Variants in MOB1A observed in about 807,000 individuals in gnomAD.
The protein encoded by MOB1A is MOB1 Mps One Binder homolog A.
A neutral mutation model predicts 25.1 loss-of-function variants in MOB1A; 10 were observed. The ratio of observed to expected loss-of-function variants is 0.40; its 90% CI spans 0.25 to 0.68. MOB1A has a LOEUF of 0.68. Ranked by LOEUF, MOB1A falls within the 30% of genes least tolerant of loss-of-function variation. The pLI is 0.40. For synonymous variants in MOB1A, 81 were observed against 79.5 expected (o/e 1.02, Z -0.10); for missense variants, 177 against 256.3 (o/e 0.69, Z 2.11).
intron 1 of MOB1A, 135 bp downstream of exon 1, chr2:74,178,526 G>C (rs1199095451): frequency 7.2e-6 from 4 of 553,424 alleles, no homozygotes; most frequent in Non-Finnish European, 1.1e-5. Context: ...CCGCGGACCC[G>C]AACAGAGGCA....
intron 4 of MOB1A, among the ~76,000 whole-genome samples, chr2:74,163,607 C>T (rs559379103): frequency 6.6e-6 from 1 of 152,174 alleles, no homozygotes; most frequent in Admixed American, 6.5e-5. Context: ...CCCTGCACTC[C>T]AGGCTGGGGA....
chr2:74,163,921 G>C (rs1384418559), intron 4 of MOB1A: 2 of 151,380 alleles, frequency 1.3e-5, no homozygotes, highest in African/African-American at 4.8e-5. Context: ...TTTTCACCTT[G>C]ACAAAATGTT....
At chr2:74,165,147 C>A in intron 4 of MOB1A, 71 bp downstream of exon 4, 1 of 1,238,094 alleles carries the variant, frequency 8.1e-7, no homozygotes. Flanking sequence ...CAGCAAACCC[C>A]CCCAACTCTA....
At position 74,159,302 on chromosome 2, in the gene MOB1A, A is replaced by G. The variant is rs921893657; in HGVS notation, c.410-48T>C. On this transcript the variant is annotated intron_variant, in intron 4 of 5. Transcript: ENST00000396049. The stretch of plus-strand genomic sequence containing the variant: ...AACAATTATTTGGTTATCTAACAGT[A>G]GAAAGTTGTTTATTTGTGACAGGGT... 4 of 1,552,924 alleles carry G rather than the reference A, an allele frequency of 2.6e-6. No homozygotes were observed. The East Asian group carries it at 6.7e-5, about 26-fold the overall frequency.
intron 1 of MOB1A, chr2:74,173,234 G>A (rs1467545092): frequency 1.9e-6 from 1 of 517,170 alleles, no homozygotes; most frequent in South Asian, 1.4e-5. Context: ...AGCAAGATTA[G>A]CAGCACAATT....
chr2:74,165,508 A>G (rs1428730804), intron 3 of MOB1A, among the ~76,000 whole-genome samples, 157 bp from the exon 4 acceptor site: 1 of 152,230 alleles, frequency 6.6e-6, no homozygotes, highest in East Asian at 1.9e-4. Context: ...TGAGTTCCCT[A>G]TGTAATTATC....
In MOB1A at chr2:74,159,828, CA is replaced by C. The variant is rs67068280; in HGVS notation, c.410-575del. Reference sequence around the variant, plus strand: ...GTTTTTTGTTTTTTGTCCCCCCCCCCACCCCGGAGACTGAGCCTCACTCTGT... The same window carrying C: ...GTTTTTTGTTTTTTGTCCCCCCCCCCCCCCGGAGACTGAGCCTCACTCTGT... On this transcript the variant is annotated intron_variant, in intron 4 of 5. Coordinates refer to ENST00000396049, the MANE Select transcript of MOB1A (RefSeq NM_018221.5). Among the ~76,000 whole-genome samples, 905 of 112,706 alleles carry C rather than the reference CA, an allele frequency of 8.0e-3. 10 individuals carry two copies. The highest frequency in any genetic ancestry group is 0.029 in the African/African-American group (836 of 28,862). The allele number at this position is 112,706 out of a possible 152,430, so 73.9% of individuals were successfully genotyped here.
chr2:74,153,571 G>A lies in MOB1A; in HGVS notation c.*2997C>T, dbSNP rs1211299207. 1 of 152,180 alleles carries A rather than the reference G, an allele frequency of 6.6e-6. No homozygotes were observed. The highest frequency in any genetic ancestry group is 2.1e-4 in the South Asian group (1 of 4,832). The allele number at this position is 152,180 out of a possible 1,614,324, so 9.4% of individuals were successfully genotyped here. ...AAAATCACTTTATTCACAATCTGAA[G>A]AATGAAAGACAAATTTGGCTGTCAA... is the stretch of plus-strand genomic sequence containing the variant. On this transcript the variant is annotated 3_prime_UTR_variant, in exon 6 of 6. Coordinates refer to ENST00000396049, the MANE Select transcript of MOB1A (RefSeq NM_018221.5).
At chr2:74,158,569 C>G (rs762111857) in intron 5 of MOB1A, among the ~76,000 whole-genome samples, 3 of 152,098 alleles carry the variant, frequency 2.0e-5, no homozygotes, top group South Asian at 2.1e-4. Flanking sequence ...GTGGGTGGAT[C>G]AGGAGTTCGA....
intron 3 of MOB1A, among the ~76,000 whole-genome samples, chr2:74,166,210 T>C (rs1441254990): frequency 6.6e-6 from 1 of 150,656 alleles, no homozygotes; most frequent in Non-Finnish European, 1.5e-5. Context: ...TCAGTATTTC[T>C]TGAAATTTAT....
At chr2:74,174,681 C>G (rs193266181) in intron 1 of MOB1A, among the ~76,000 whole-genome samples, 60 of 152,224 alleles carry the variant, frequency 3.9e-4, no homozygotes, top group African/African-American at 1.4e-3. Context: ...AAAAAGTGGA[C>G]AGATTTCAAA....
chr2:74,172,583 T>TA lies in MOB1A; in HGVS notation c.181+2dup. 6.3e-7 allele frequency: 1 copy of TA among 1,599,348 alleles called. No homozygotes were observed. The highest frequency in any genetic ancestry group is 8.5e-7 in the Non-Finnish European group (1 of 1,175,888). ...AACAGCAAAGTTACATTTTAAAACT[T>TA]ACTGTTCACAGCAATCCATTCATTG... is the stretch of plus-strand genomic sequence containing the variant. On this transcript the variant is annotated splice_region_variant and intron_variant, in intron 2 of 5. Transcript: ENST00000396049.
intron 4 of MOB1A, among the ~76,000 whole-genome samples, chr2:74,162,675 GA>G (rs1693007027): frequency 6.6e-6 from 1 of 152,118 alleles, no homozygotes; most frequent in Non-Finnish European, 1.5e-5. Flanking sequence ...TTTAATAGCA[GA>G]ATGGAAAAAC....
chr2:74,155,705 GA>G lies in MOB1A; in HGVS notation c.*862del, dbSNP rs1299870916. On this transcript the variant is annotated 3_prime_UTR_variant, in exon 6 of 6. Coordinates refer to ENST00000396049, the MANE Select transcript of MOB1A (RefSeq NM_018221.5). The stretch of plus-strand genomic sequence containing the variant: ...AATTTTAAGGCCTCTGAAAAATAAT[GA>G]AATAATAAAAATAGTGGTTTTGAGA... 1 of 152,464 alleles carries G rather than the reference GA, an allele frequency of 6.6e-6. No individual in the cohort carries two copies. The highest frequency in any genetic ancestry group is 2.4e-5 in the African/African-American group (1 of 41,434). 9.4% of individuals were successfully genotyped at this position (152,464 alleles called of 1,614,324 possible). A position where few individuals can be genotyped will look rare whatever the true frequency, so the allele number is the denominator to read the frequency against.
chr2:74,160,927 C>G (rs1029350366), intron 4 of MOB1A, among the ~76,000 whole-genome samples: 1 of 151,808 alleles, frequency 6.6e-6, no homozygotes, highest in African/African-American at 2.4e-5. Flanking sequence ...GACGTGGTGA[C>G]TAAGGCCTGT....
At chr2:74,173,547 A>C (rs1325821751) in intron 1 of MOB1A, among the ~76,000 whole-genome samples, 1 of 141,968 alleles carries the variant, frequency 7.0e-6, no homozygotes, top group African/African-American at 2.6e-5. Flanking sequence ...CACCCAGCTA[A>C]TTTTTTTTTT....
chr2:74,166,219 A>AT (rs35833687), intron 3 of MOB1A, among the ~76,000 whole-genome samples: 7,123 of 152,216 alleles, frequency 0.047, 553 homozygotes, highest in African/African-American at 0.16. Flanking sequence ...CTTGAAATTT[A>AT]TTAAAGTCAA....
intron 2 of MOB1A, among the ~76,000 whole-genome samples, 170 bp downstream of exon 2, chr2:74,172,416 A>G (rs1021813090): frequency 6.6e-6 from 1 of 152,110 alleles, no homozygotes; most frequent in Non-Finnish European, 1.5e-5. Context: ...ACAAACTACC[A>G]CCTAGTACTC....
chr2:74,169,556 A>C (rs1322678133), intron 2 of MOB1A, among the ~76,000 whole-genome samples: 1 of 152,124 alleles, frequency 6.6e-6, no homozygotes, highest in African/African-American at 2.4e-5. Flanking sequence ...TTTCCAACAG[A>C]GTATCACGAG....
Sources: allele counts gnomAD v4.1 joint callset (sites outside exome capture counted in the v4.1 genomes callset), GRCh38; gene constraint gnomAD v4.1.1; transcripts MANE v1.5; gene names NCBI Gene and HGNC (gene_info 2026-07-23, HGNC 2026-07-21).